Variants in ABLIM2 observed in about 807,000 individuals in gnomAD.
ABLIM2 encodes actin binding LIM protein family member 2.
A neutral mutation model predicts 97.7 loss-of-function variants in ABLIM2; 53 were observed. That is an observed-to-expected ratio of 0.54 (90% CI 0.44 to 0.68). The LOEUF (loss-of-function observed/expected upper bound fraction) is 0.68. ABLIM2 is among the 30% of genes least tolerant of loss of function. ABLIM2 has a pLI of 0.00. For missense variants in ABLIM2, 835 were observed against 867.2 expected (o/e 0.96, Z 0.47); for synonymous variants, 361 against 345.8 (o/e 1.04, Z -0.49).
intron 12 of ABLIM2, among the ~76,000 whole-genome samples, chr4:8,025,849 C>A (rs567582245): frequency 6.6e-6 from 1 of 152,154 alleles, no homozygotes; most frequent in African/African-American, 2.4e-5. Context: ...ACAGGAGAAG[C>A]GGCATCTCCT....
intron 9 of ABLIM2, among the ~76,000 whole-genome samples, chr4:8,040,156 T>C (rs1018018360): frequency 2.0e-5 from 3 of 152,072 alleles, no homozygotes; most frequent in African/African-American, 2.4e-5. Context: ...GGATGCTGCA[T>C]TTGACAACCA....
intron 1 of ABLIM2, among the ~76,000 whole-genome samples, chr4:8,142,422 TCGGG>T (rs1255711783): frequency 3.0e-4 from 46 of 152,298 alleles, no homozygotes; most frequent in Middle Eastern, 3.4e-3. Context: ...CTCTCCACCT[TCGGG>T]CACAGAGGGC....
chr4:8,157,823 G>T (rs955769109), intron 1 of ABLIM2, among the ~76,000 whole-genome samples: 5 of 152,260 alleles, frequency 3.3e-5, no homozygotes, highest in African/African-American at 1.2e-4. Context: ...AGCCTGGTGC[G>T]CCTCGGGTCA....
intron 18 of ABLIM2, 148 bp downstream of exon 18, chr4:7,984,691 C>A (rs28379783): frequency 1.2e-5 from 10 of 805,730 alleles, no homozygotes; most frequent in Non-Finnish European, 1.9e-5. Flanking sequence ...GGCAGGGAAA[C>A]CAGCACGCCC....
At chr4:8,133,501 C>G (rs1243141267) in intron 1 of ABLIM2, among the ~76,000 whole-genome samples, 1 of 152,192 alleles carries the variant, frequency 6.6e-6, no homozygotes, top group African/African-American at 2.4e-5. Context: ...GCCCTCCACT[C>G]CTTGGCAAAC....
intron 2 of ABLIM2, 125 bp downstream of exon 2, chr4:8,106,369 G>A (rs1837403895): frequency 4.6e-6 from 6 of 1,308,340 alleles, no homozygotes; most frequent in Non-Finnish European, 6.3e-6. Context: ...TGAAGATTCT[G>A]TATCTGGAGT....
rs1405681771 is a variant in ABLIM2, at chr4:8,033,358, C to T, written c.1047+2791G>A. The stretch of plus-strand genomic sequence containing the variant: ...CCATGGTTATTACAGCGCAATAACT[C>T]GACGGCCTCTGGGAGGCTGCCACGG... On this transcript the variant is annotated intron_variant, in intron 10 of 20. Coordinates refer to ENST00000447017, the MANE Select transcript of ABLIM2 (RefSeq NM_001130083.2). The surrounding 1 kb of genome is among the most constrained non-coding windows in gnomAD (Gnocchi z 4.5). Among the ~76,000 whole-genome samples, 1 of 152,168 alleles carries T rather than the reference C, an allele frequency of 6.6e-6. No individual in the cohort carries two copies. Among genetic ancestry groups the T allele is most frequent in the Non-Finnish European group, 1.5e-5 (1 of 68,032 alleles).
rs537617450 is a variant in ABLIM2, at chr4:7,971,678, C to T, written c.1825-4575G>A. ...GCGGTGAAGCCTCAGGGACCTATGC[C>T]ACCTCCACTCCATCAGGGACAGGTT... On this transcript the variant is annotated intron_variant, in intron 20 of 20. Transcript: ENST00000447017. Among the ~76,000 whole-genome samples the T allele has an allele frequency of 3.9e-5, 6 of 152,230 alleles. No individual in the cohort carries two copies. In the East Asian group the frequency reaches 9.7e-4, roughly 25 times the overall value.
At chr4:8,080,650 C>G in intron 5 of ABLIM2, 26 bp downstream of exon 5, 1 of 1,571,762 alleles carries the variant, frequency 6.4e-7, no homozygotes, top group South Asian at 1.2e-5. Flanking sequence ...AGCGGAGGCT[C>G]TCACTAGAGC....
At chr4:8,084,724 G>A (rs150887630) in intron 4 of ABLIM2, among the ~76,000 whole-genome samples, 2 of 152,302 alleles carry the variant, frequency 1.3e-5, no homozygotes, top group South Asian at 2.1e-4. Context: ...GGAGCTGCTT[G>A]CCATCCCTTT....
In ABLIM2 at chr4:8,123,728, T is replaced by C. The variant is rs1369647462; in HGVS notation, c.11-17091A>G. On this transcript the variant is annotated intron_variant, in intron 1 of 20. Coordinates refer to ENST00000447017, the MANE Select transcript of ABLIM2 (RefSeq NM_001130083.2). The surrounding 1 kb of genome is among the most constrained non-coding windows in gnomAD (Gnocchi z 6.2). ...AGGGTCCGGCTCACACACCAAAGCC[T>C]GTGGGTCTACACATGGGCAGGCAGG... 6.6e-6 allele frequency among the ~76,000 whole-genome samples: 1 copy of C among 151,998 alleles called. No homozygotes were observed. The highest frequency in any genetic ancestry group is 1.5e-5 in the Non-Finnish European group (1 of 67,996).
At chr4:8,073,061 C>T (rs1367064061) in intron 6 of ABLIM2, among the ~76,000 whole-genome samples, 1 of 151,910 alleles carries the variant, frequency 6.6e-6, no homozygotes, top group African/African-American at 2.4e-5. Context: ...CCATACCAGG[C>T]TGCTGTTTTT....
chr4:8,017,137 T>C (rs1224680030), intron 14 of ABLIM2, among the ~76,000 whole-genome samples: 1 of 152,164 alleles, frequency 6.6e-6, no homozygotes, highest in Non-Finnish European at 1.5e-5. Context: ...GTTCAGCCCT[T>C]GAGTAGATGA....
At position 8,054,482 on chromosome 4, in the gene ABLIM2, C is replaced by G. The variant is rs913927592; in HGVS notation, c.764-236G>C. Among the ~76,000 whole-genome samples the G allele has an allele frequency of 2.0e-5, 3 of 152,248 alleles. No homozygotes were observed. The highest frequency in any genetic ancestry group is 1.9e-4 in the East Asian group (1 of 5,200). On this transcript the variant is annotated intron_variant, in intron 7 of 20. Coordinates refer to ENST00000447017, the MANE Select transcript of ABLIM2 (RefSeq NM_001130083.2). This position sits in a 1 kb window ranked among gnomAD's most constrained non-coding sequence, Gnocchi z 4.9. ...CCAGTTGTGGGACGGAGGCAGCAAACAAACAGGGAAATGGCTGCTGTGCAC... is the reference window on the plus strand; with the variant it reads ...CCAGTTGTGGGACGGAGGCAGCAAAGAAACAGGGAAATGGCTGCTGTGCAC...
intron 2 of ABLIM2, among the ~76,000 whole-genome samples, chr4:8,104,018 C>T (rs1440987872): frequency 6.6e-6 from 1 of 152,240 alleles, no homozygotes; most frequent in East Asian, 1.9e-4. Flanking sequence ...CCACGATGCC[C>T]TGGAAAGCCC....
chr4:8,115,644 C>T (rs986091753), intron 1 of ABLIM2, among the ~76,000 whole-genome samples: 3 of 152,204 alleles, frequency 2.0e-5, no homozygotes, highest in African/African-American at 4.8e-5. Context: ...CTGAGCAAAG[C>T]CCTGTGGCAT....
chr4:8,094,341 C>T lies in ABLIM2; in HGVS notation c.338+2758G>A, dbSNP rs34109949. Among the ~76,000 whole-genome samples the T allele has an allele frequency of 3.3e-3, 505 of 152,198 alleles. 2 individuals carry two copies. The highest frequency in any genetic ancestry group is 5.3e-3 in the Non-Finnish European group (361 of 68,018). On this transcript the variant is annotated intron_variant, in intron 3 of 20. Coordinates refer to ENST00000447017, the MANE Select transcript of ABLIM2 (RefSeq NM_001130083.2). ...GCCACAGACAAAACTCCTCAAACAC[C>T]GAGTTAAAGAAGGAAGGTCTTTATT...
intron 1 of ABLIM2, among the ~76,000 whole-genome samples, chr4:8,126,856 G>C (rs1293112908): frequency 6.6e-6 from 1 of 151,910 alleles, no homozygotes; most frequent in Admixed American, 6.6e-5. Context: ...GCTTACACCC[G>C]GGAGTTCAAG....
chr4:7,980,938 C>CTTCTTTTTTTTTTTTTTTTT (rs1255215577), intron 20 of ABLIM2, among the ~76,000 whole-genome samples: 1 of 38,494 alleles, frequency 2.6e-5, no homozygotes, highest in Admixed American at 2.3e-4. Context: ...TCCACAACCC[C>CTTCTTTTTTTTTTTTTTTTT]TTATTTTTTT....
Sources: allele counts gnomAD v4.1 joint callset (sites outside exome capture counted in the v4.1 genomes callset), GRCh38; gene constraint gnomAD v4.1.1; non-coding constraint Gnocchi (gnomAD v3.1); transcripts MANE v1.5; gene names NCBI Gene and HGNC (gene_info 2026-07-23, HGNC 2026-07-21).